Variants in KYNU observed in about 807,000 individuals in gnomAD.
KYNU encodes kynureninase, also known as L-kynurenine hydrolase.
KYNU carries 54 observed loss-of-function variants against 59.2 expected under a neutral mutation model. The ratio of observed to expected loss-of-function variants is 0.91; its 90% CI spans 0.73 to 1.14. The LOEUF (loss-of-function observed/expected upper bound fraction) is 1.14. KYNU is among the 50% of genes most tolerant of loss of function. The pLI, the probability that KYNU is intolerant of heterozygous loss-of-function variation, is 0.00. For synonymous variants in KYNU, 177 were observed against 192.0 expected (o/e 0.92, Z 0.65); for missense variants, 567 against 554.4 (o/e 1.02, Z -0.23).
chr2:142,960,805 C>G, intron 8 of KYNU, 35 bp downstream of exon 8: 1 of 1,604,958 alleles, frequency 6.2e-7, no homozygotes, highest in South Asian at 1.1e-5. Context: ...CACCTTACTC[C>G]AAACATCACT....
chr2:142,968,750 T>A (rs1217426186), intron 8 of KYNU, among the ~76,000 whole-genome samples: 1 of 151,946 alleles, frequency 6.6e-6, no homozygotes, highest in Non-Finnish European at 1.5e-5. Context: ...ATCGCCTATA[T>A]AAAAAATTAA....
At chr2:142,974,628 A>G (rs1211123091) in intron 8 of KYNU, among the ~76,000 whole-genome samples, 2 of 152,234 alleles carry the variant, frequency 1.3e-5, no homozygotes, top group African/African-American at 4.8e-5. Flanking sequence ...CTGACTAGCT[A>G]TGTAAATCAC....
chr2:142,956,204 T>C lies in KYNU; in HGVS notation c.437T>C (p.Leu146Ser). 6.4e-7 allele frequency: 1 copy of C among 1,558,932 alleles called. No individual in the cohort carries two copies. Among genetic ancestry groups the C allele is most frequent in the Non-Finnish European group, 8.8e-7 (1 of 1,130,904 alleles). ...CTCAATAAATCCATTTTATTGCAGT[T>C]ATCATTTTTTAAGCCTACGCCAAAA... ...ALTVNLHLLMLSFFKPTPKRY... is the reference protein window; with the variant it reads ...ALTVNLHLLMSSFFKPTPKRY... Residue 146 changes from leucine (L) to serine (S), a missense_variant and splice_region_variant, in exon 6 of 14, where the codon TTA becomes TCA. Leu to Ser is a moderately radical substitution (Grantham distance 145). Transcript: ENST00000264170.
At chr2:142,987,429 G>A (rs1165396575) in intron 10 of KYNU, among the ~76,000 whole-genome samples, 1 of 151,938 alleles carries the variant, frequency 6.6e-6, no homozygotes, top group Non-Finnish European at 1.5e-5. Context: ...CTCTCAGCAT[G>A]GACAAGGAAC....
chr2:142,878,280 T>C (rs984351219), intron 1 of KYNU, among the ~76,000 whole-genome samples: 4 of 152,134 alleles, frequency 2.6e-5, no homozygotes, highest in Admixed American at 2.6e-4. Context: ...TCTTTTTTCC[T>C]TTCTGCTTTT....
At chr2:142,889,878 AT>A (rs879271223) in intron 2 of KYNU, among the ~76,000 whole-genome samples, 67 of 148,546 alleles carry the variant, frequency 4.5e-4, no homozygotes, top group South Asian at 1.7e-3. Flanking sequence ...CCAATATGAG[AT>A]TTTTTTTTTT....
intron 2 of KYNU, among the ~76,000 whole-genome samples, chr2:142,909,573 A>G (rs1445504236): frequency 1.3e-5 from 2 of 152,206 alleles, no homozygotes; most frequent in East Asian, 3.8e-4. Flanking sequence ...CTGATCATGC[A>G]TTAATTCATT....
intron 8 of KYNU, among the ~76,000 whole-genome samples, chr2:142,979,947 A>G (rs1021077335): frequency 6.6e-6 from 1 of 152,064 alleles, no homozygotes; most frequent in East Asian, 1.9e-4. Context: ...GAATAAAAGA[A>G]TGTCTACTCC....
intron 4 of KYNU, among the ~76,000 whole-genome samples, chr2:142,946,483 A>G (rs2105063406): frequency 6.6e-6 from 1 of 152,318 alleles, no homozygotes; most frequent in Non-Finnish European, 1.5e-5. Context: ...ATCCTTGTAC[A>G]TCTCCATCAG....
intron 10 of KYNU, chr2:142,989,511 T>C (rs956331098): frequency 8.1e-6 from 8 of 983,664 alleles, no homozygotes; most frequent in Admixed American, 1.2e-4. Context: ...CTAAACATGT[T>C]ATTTCAAATA....
Position 142,960,606 on chromosome 2 carries a change from G to T in KYNU, c.583-18G>T. 1.2e-6 allele frequency: 2 copies of T among 1,608,694 alleles called. No homozygotes were observed. Among genetic ancestry groups the T allele is most frequent in the Non-Finnish European group, 1.7e-6 (2 of 1,175,354 alleles). ...TATTATTATCGATATGACCTAACTT[G>T]TGCCTAACTTGATTTAGGGGGAAGA... On this transcript the variant is annotated intron_variant, in intron 7 of 13. Transcript: ENST00000264170.
intron 2 of KYNU, among the ~76,000 whole-genome samples, chr2:142,887,491 ATTAGTAC>A (rs1681557040): frequency 6.6e-6 from 1 of 152,192 alleles, no homozygotes; most frequent in African/African-American, 2.4e-5. Context: ...CCCAAAAGAT[ATTAGTAC>A]ACTCATGTTC....
At chr2:143,029,535 G>A (rs997665077) in intron 10 of KYNU, 92 bp from the exon 11 acceptor site, 28 of 785,826 alleles carry the variant, frequency 3.6e-5, no homozygotes, top group Admixed American at 1.4e-4. Flanking sequence ...GCAGTGAGCT[G>A]AGATCACGCC....
rs1687292814 is a variant in KYNU at position 143,053,046 on chromosome 2, G to A, written c.*10874G>A. 6.6e-6 allele frequency: 1 copy of A among 152,314 alleles called. No homozygotes were observed. Among genetic ancestry groups the A allele is most frequent in the South Asian group, 2.1e-4 (1 of 4,834 alleles). 9.4% of individuals were successfully genotyped at this position (152,314 alleles called of 1,614,324 possible). A position where few individuals can be genotyped will look rare whatever the true frequency, so the allele number is the denominator to read the frequency against. ...CAGTGTGACCTGGATGTGAGACATG[G>A]AGTCAAAGGAGATCATTTTGGAGCT... On this transcript the variant is annotated 3_prime_UTR_variant, in exon 14 of 14. Coordinates refer to ENST00000264170, the MANE Select transcript of KYNU (RefSeq NM_003937.3).
At chr2:143,030,073 A>G (rs925279362) in intron 11 of KYNU, among the ~76,000 whole-genome samples, 27 of 152,210 alleles carry the variant, frequency 1.8e-4, no homozygotes, top group Non-Finnish European at 3.8e-4. Context: ...TGCACAAGTT[A>G]TATCATCTTG....
At chr2:143,004,874 C>T (rs923475649) in intron 10 of KYNU, among the ~76,000 whole-genome samples, 8 of 152,112 alleles carry the variant, frequency 5.3e-5, no homozygotes, top group African/African-American at 9.7e-5. Context: ...TCTGCCATCA[C>T]CAGTATCTAA....
intron 11 of KYNU, 78 bp from the exon 12 acceptor site, chr2:143,033,158 A>G (rs1686805886): frequency 2.1e-6 from 2 of 966,520 alleles, no homozygotes; most frequent in Admixed American, 1.7e-5. Context: ...TTGCTCTTTT[A>G]CTCTCCAGTA....
chr2:142,995,064 T>G (rs1022231089), intron 10 of KYNU, among the ~76,000 whole-genome samples: 4 of 152,098 alleles, frequency 2.6e-5, no homozygotes, highest in African/African-American at 7.2e-5. Flanking sequence ...CTTTCTGTTC[T>G]TGGACTTGGA....
rs1178935484 is a variant in KYNU, at chr2:142,996,433, G to T, written c.902+10412G>T. ...GGGGTCTCATTGTGTTGCCCACGCT[G>T]GTCTGTTTCTTGAGGATTTACTATA... On this transcript the variant is annotated intron_variant, in intron 10 of 13. Transcript: ENST00000264170. 4.6e-5 allele frequency among the ~76,000 whole-genome samples: 7 copies of T among 152,034 alleles called. No homozygotes were observed. In the East Asian group the frequency reaches 1.4e-3, roughly 29 times the overall value.
Sources: gnomAD v4.1 joint callset for allele counts (sites outside exome capture counted in the v4.1 genomes callset) on GRCh38, gnomAD v4.1.1 for gene constraint, MANE v1.5 for transcripts, NCBI Gene and HGNC (gene_info 2026-07-23, HGNC 2026-07-21) for gene names.